The following GTF2E1 variants were observed in gnomAD, a reference collection of about 807,000 sequenced individuals.
GTF2E1 encodes TFIIE alpha subunit.
Under a neutral mutation model 34.9 loss-of-function variants are expected in GTF2E1, and 14 were observed. The ratio of observed to expected loss-of-function variants is 0.40; its 90% CI spans 0.27 to 0.63. GTF2E1 has a LOEUF of 0.63. Among genes scored for constraint, GTF2E1 ranks in the 20% least tolerant of loss-of-function variants. GTF2E1 has a pLI of 0.39. For synonymous variants in GTF2E1, 188 were observed against 192.9 expected (o/e 0.97, Z 0.21); for missense variants, 469 against 557.7 (o/e 0.84, Z 1.60).
chr3:120,754,089 TTAAG>T (rs1251252853), intron 2 of GTF2E1, among the ~76,000 whole-genome samples: 1 of 152,198 alleles, frequency 6.6e-6, no homozygotes, highest in African/African-American at 2.4e-5. Flanking sequence ...TTAAATAGAC[TTAAG>T]TATTTCTATT....
At chr3:120,745,968 C>G (rs1014553971) in intron 1 of GTF2E1, among the ~76,000 whole-genome samples, 2 of 152,158 alleles carry the variant, frequency 1.3e-5, no homozygotes, top group South Asian at 2.1e-4. Context: ...TTATATCTTA[C>G]AATATGTAGT....
Position 120,781,199 on chromosome 3 carries a change from A to G in GTF2E1, c.1049A>G (p.Asn350Ser). The G allele has an allele frequency of 1.2e-6, 2 of 1,614,146 alleles. No homozygotes were observed. Among genetic ancestry groups the G allele is most frequent in the Non-Finnish European group, 1.7e-6 (2 of 1,180,010 alleles). ...VGAAAPVTAA[N>S]GSDSESETSE... ...GCAGCTGCTCCAGTGACCGCTGCCA[A>G]TGGCAGTGACTCAGAAAGCGAGACC... The change falls in exon 5 of 5, where the codon AAT (asparagine) becomes AGT (serine). Residue 350 changes from asparagine to serine, a missense_variant. Transcript: ENST00000283875.
chr3:120,775,368 C>A (rs1016591907), intron 3 of GTF2E1, among the ~76,000 whole-genome samples: 1 of 151,950 alleles, frequency 6.6e-6, no homozygotes, highest in African/African-American at 2.4e-5. Flanking sequence ...AAAGAAACAC[C>A]CAAAAGGTTT....
intron 1 of GTF2E1, among the ~76,000 whole-genome samples, chr3:120,744,944 G>A (rs925135903): frequency 6.6e-6 from 1 of 150,824 alleles, no homozygotes; most frequent in African/African-American, 2.4e-5. Context: ...TTTTTTTGAG[G>A]GTCCTGTCCT....
chr3:120,761,583 T>C (rs1262273504), intron 2 of GTF2E1, among the ~76,000 whole-genome samples: 3 of 152,156 alleles, frequency 2.0e-5, no homozygotes, highest in South Asian at 2.1e-4. Context: ...CCTCTACACA[T>C]TGCTTTAAAT....
intron 3 of GTF2E1, among the ~76,000 whole-genome samples, chr3:120,775,494 G>T (rs1709391590): frequency 6.6e-6 from 1 of 152,260 alleles, no homozygotes; most frequent in South Asian, 2.1e-4. Flanking sequence ...TCAGTAGCAG[G>T]CAGAGAAAGG....
intron 2 of GTF2E1, among the ~76,000 whole-genome samples, chr3:120,762,982 G>T (rs953206170): frequency 7.9e-5 from 12 of 152,050 alleles, no homozygotes; most frequent in African/African-American, 2.9e-4. Context: ...TTAGGAATTG[G>T]GACCCCTCAG....
chr3:120,756,237 A>G (rs541159202), intron 2 of GTF2E1, among the ~76,000 whole-genome samples: 41 of 152,328 alleles, frequency 2.7e-4, no homozygotes, highest in African/African-American at 8.4e-4. Flanking sequence ...ACAGTGTACG[A>G]CAGTTCCCTT....
At position 120,781,085 on chromosome 3, in the gene GTF2E1, A is replaced by G. The variant is rs2107614792; in HGVS notation, c.935A>G (p.His312Arg). ...MDAFQEREEG[H>R]AGPDDNEEVM... ...GCATTTCAGGAGCGTGAGGAAGGCCATGCTGGGCCTGATGACAACGAAGAG... is the reference window on the plus strand; with the variant it reads ...GCATTTCAGGAGCGTGAGGAAGGCCGTGCTGGGCCTGATGACAACGAAGAG... Residue 312 changes from histidine (H) to arginine (R), a missense_variant, in exon 5 of 5, where the codon CAT becomes CGT. By Grantham distance (29) the His-to-Arg change is conservative. Coordinates refer to ENST00000283875, the MANE Select transcript of GTF2E1 (RefSeq NM_005513.3). The G allele has an allele frequency of 1.9e-6, 3 of 1,614,050 alleles. No homozygotes were observed. The highest frequency in any genetic ancestry group is 2.5e-6 in the Non-Finnish European group (3 of 1,179,938).
chr3:120,782,284 G>GA lies in GTF2E1; in HGVS notation c.*815dup, dbSNP rs1243087475. On this transcript the variant is annotated 3_prime_UTR_variant, in exon 5 of 5. Transcript: ENST00000283875. Reference sequence around the variant, plus strand: ...ATTGAGATGGATCAATATGTAAGGGGAGGTGGGAGCGTGTGTGGAAGGGGG... The same window carrying GA: ...ATTGAGATGGATCAATATGTAAGGGGAAGGTGGGAGCGTGTGTGGAAGGGGG... 6.6e-6 allele frequency: 1 copy of GA among 152,228 alleles called. No homozygotes were observed. The highest frequency in any genetic ancestry group is 1.5e-5 in the Non-Finnish European group (1 of 68,038). 9.4% of individuals were successfully genotyped at this position (152,228 alleles called of 1,614,324 possible).
At chr3:120,754,606 A>G (rs1035557582) in intron 2 of GTF2E1, among the ~76,000 whole-genome samples, 5 of 152,082 alleles carry the variant, frequency 3.3e-5, no homozygotes, top group African/African-American at 1.2e-4. Context: ...CAGTGGGAAT[A>G]TTGGGCAAAA....
chr3:120,771,302 G>A (rs1365235491), intron 3 of GTF2E1, among the ~76,000 whole-genome samples: 1 of 152,074 alleles, frequency 6.6e-6, no homozygotes, highest in Non-Finnish European at 1.5e-5. Context: ...AAGGAATTCA[G>A]CATTTTCTTT....
chr3:120,777,937 T>C (rs1709415554), intron 4 of GTF2E1, among the ~76,000 whole-genome samples: 1 of 152,222 alleles, frequency 6.6e-6, no homozygotes, highest in Admixed American at 6.5e-5. Context: ...TTGTCCAGGC[T>C]GGTCTCAAAC....
Position 120,776,709 on chromosome 3 carries a change from G to A in GTF2E1, c.892+45G>A, listed in dbSNP as rs751888934. 1.9e-6 allele frequency: 3 copies of A among 1,561,836 alleles called. No individual in the cohort carries two copies. In the Admixed American group the frequency reaches 5.3e-5, roughly 28 times the overall value. ...AAATGGATGTGTCTTAGGTTCTGTA[G>A]AACATGAACTTGGCTTAGTGGGAAA... On this transcript the variant is annotated intron_variant, in intron 4 of 4. Transcript: ENST00000283875.
chr3:120,757,455 T>C (rs1294457654), intron 2 of GTF2E1, among the ~76,000 whole-genome samples: 2 of 151,294 alleles, frequency 1.3e-5, no homozygotes, highest in African/African-American at 2.4e-5. Context: ...TATTTTGCAG[T>C]GTTAAGTGTT....
intron 3 of GTF2E1, among the ~76,000 whole-genome samples, chr3:120,775,740 A>G (rs1576363235): frequency 6.6e-6 from 1 of 152,206 alleles, no homozygotes; most frequent in South Asian, 2.1e-4. Context: ...ACTGAGAAAA[A>G]CAGACCATTG....
At chr3:120,765,043 C>G (rs2107610052) in intron 2 of GTF2E1, among the ~76,000 whole-genome samples, 1 of 151,502 alleles carries the variant, frequency 6.6e-6, no homozygotes, top group African/African-American at 2.4e-5. Context: ...CTCCCCATCC[C>G]CAATTCATTT....
intron 2 of GTF2E1, among the ~76,000 whole-genome samples, chr3:120,755,490 A>G (rs1413203896): frequency 6.6e-6 from 1 of 152,140 alleles, no homozygotes; most frequent in Non-Finnish European, 1.5e-5. Flanking sequence ...TTTAATTAAA[A>G]GAAATTTTTT....
At chr3:120,770,361 G>A (rs1381422155) in intron 2 of GTF2E1, among the ~76,000 whole-genome samples, 1 of 152,122 alleles carries the variant, frequency 6.6e-6, no homozygotes, top group Non-Finnish European at 1.5e-5. Context: ...AGGCCCAAAT[G>A]TGTAATGTGA....
Sources: allele counts gnomAD v4.1 joint callset (sites outside exome capture counted in the v4.1 genomes callset), GRCh38; gene constraint gnomAD v4.1.1; transcripts MANE v1.5; gene names NCBI Gene and HGNC (gene_info 2026-07-23, HGNC 2026-07-21).